PCDHGA8: variants seen among roughly 807,000 people sequenced by gnomAD.
The protein encoded by PCDHGA8 is protocadherin gamma-A8.
PCDHGA8 carries 45 observed loss-of-function variants against 59.2 expected under a neutral mutation model. That is an observed-to-expected ratio of 0.76 (90% CI 0.60 to 0.98). The LOEUF is 0.98. Ranked by LOEUF, PCDHGA8 falls within the 50% of genes least tolerant of loss-of-function variation. The pLI is 0.00. For missense variants in PCDHGA8, 1,257 were observed against 1,196.2 expected (o/e 1.05, Z -0.75); for synonymous variants, 531 against 519.0 (o/e 1.02, Z -0.32).
chr5:141,437,765 G>C (rs1561886251), intron 1 of PCDHGA8, among the ~76,000 whole-genome samples: 1 of 148,074 alleles, frequency 6.8e-6, no homozygotes, highest in African/African-American at 2.5e-5. Flanking sequence ...TTGAGACAGA[G>C]TCTCAATCTG....
chr5:141,395,562 G>T (rs975935179), intron 1 of PCDHGA8: 2 of 227,450 alleles, frequency 8.8e-6, no homozygotes, highest in Non-Finnish European at 1.7e-5. Context: ...GTGTGTGTGT[G>T]TGTGTGTGTG....
intron 1 of PCDHGA8, among the ~76,000 whole-genome samples, chr5:141,455,844 T>TA (rs2098833146): frequency 6.6e-6 from 1 of 150,818 alleles, no homozygotes; most frequent in Non-Finnish European, 1.5e-5. Flanking sequence ...TCTATCTGCA[T>TA]AAAATAATTT....
chr5:141,410,837 TTTTGTC>T, intron 1 of PCDHGA8: 3 of 501,732 alleles, frequency 6.0e-6, no homozygotes. Context: ...ACTGAAGATA[TTTTGTC>T]TTTGTCTTTT....
chr5:141,399,001 T>G, intron 1 of PCDHGA8: 1 of 1,613,890 alleles, frequency 6.2e-7, no homozygotes, highest in Non-Finnish European at 8.5e-7. Context: ...TAGTCTGAAT[T>G]CAAAGAGCGG....
At chr5:141,443,499 A>T (rs533910381) in intron 1 of PCDHGA8, among the ~76,000 whole-genome samples, 1 of 152,268 alleles carries the variant, frequency 6.6e-6, no homozygotes, top group African/African-American at 2.4e-5. Context: ...ACAAACAAAC[A>T]AATAAAGAGC....
intron 1 of PCDHGA8, chr5:141,415,362 G>A (rs769596449): frequency 4.3e-6 from 7 of 1,614,126 alleles, no homozygotes; most frequent in African/African-American, 1.3e-5. Context: ...CACGCCTGCT[G>A]CAGGCTTCAG....
rs751805838 is a variant in PCDHGA8, at chr5:141,409,319, G to T, written c.2424+14082G>T. 3 of 1,613,988 alleles carry T rather than the reference G, an allele frequency of 1.9e-6. No homozygotes were observed. The Admixed American group carries it at 5.0e-5, about 27-fold the overall frequency. ...GGTTGTTGCCCTCTTCAAAACACGG[G>T]ATCTGGATTTCGGAGGAAATGGAGA... is the stretch of plus-strand genomic sequence containing the variant. On this transcript the variant is annotated intron_variant, in intron 1 of 3. Coordinates refer to ENST00000398604, the MANE Select transcript of PCDHGA8 (RefSeq NM_032088.2).
chr5:141,399,528 C>T (rs749580875), intron 1 of PCDHGA8: 10 of 1,613,928 alleles, frequency 6.2e-6, no homozygotes, highest in Non-Finnish European at 7.6e-6. Context: ...GGGCCTCCAT[C>T]GCGCAAGTCT....
chr5:141,445,363 T>C (rs186841717), intron 1 of PCDHGA8, among the ~76,000 whole-genome samples: 9 of 152,284 alleles, frequency 5.9e-5, no homozygotes. Context: ...CCAAGTCTGG[T>C]CCTGGGTGGT....
At chr5:141,448,573 A>AT (rs976781630) in intron 1 of PCDHGA8, among the ~76,000 whole-genome samples, 10 of 151,772 alleles carry the variant, frequency 6.6e-5, no homozygotes, top group East Asian at 5.8e-4. Flanking sequence ...TTATTTCCCC[A>AT]TTTTTTTTAC....
At position 141,485,060 on chromosome 5, in the gene PCDHGA8, G is replaced by A. The variant is rs191055161; in HGVS notation, c.2425-9747G>A. 155 of 862,304 alleles carry A rather than the reference G, an allele frequency of 1.8e-4. No individual in the cohort carries two copies. The African/African-American group carries it at 2.3e-3, about 13-fold the overall frequency. 53.4% of individuals were successfully genotyped at this position (862,304 alleles called of 1,614,324 possible). ...ACCCTTGCGGCGCCGGCCGAACCGCGCCAGAGCTGGCGCGGGGAAAGGGAG... is the reference window on the plus strand; with the variant it reads ...ACCCTTGCGGCGCCGGCCGAACCGCACCAGAGCTGGCGCGGGGAAAGGGAG... On this transcript the variant is annotated intron_variant, in intron 1 of 3. Transcript: ENST00000398604. This position sits in a 1 kb window ranked among gnomAD's most constrained non-coding sequence, Gnocchi z 5.7.
chr5:141,402,843 G>C (rs1370040306), intron 1 of PCDHGA8: 5 of 1,399,114 alleles, frequency 3.6e-6, no homozygotes, highest in Non-Finnish European at 4.7e-6. Flanking sequence ...GCAAAACTCA[G>C]CCTCTTTCTT....
At chr5:141,414,085 G>C (rs1459185694) in intron 1 of PCDHGA8, 1 of 1,600,126 alleles carries the variant, frequency 6.2e-7, no homozygotes, top group Non-Finnish European at 8.5e-7. Context: ...ATATACTGGA[G>C]AAATAAAAAT....
chr5:141,491,857 G>A lies in PCDHGA8; in HGVS notation c.2425-2950G>A. Reference sequence around the variant, plus strand: ...CTCGGGATCATTGGACCGTTTGCGCGAAACCAGAGTGGCCGATTAAGGGAT... The same window carrying A: ...CTCGGGATCATTGGACCGTTTGCGCAAAACCAGAGTGGCCGATTAAGGGAT... On this transcript the variant is annotated intron_variant, in intron 1 of 3. Transcript: ENST00000398604. This position sits in a 1 kb window ranked among gnomAD's most constrained non-coding sequence, Gnocchi z 6.9. The A allele has an allele frequency of 6.9e-7, 1 of 1,457,470 alleles. No homozygotes were observed. The highest frequency in any genetic ancestry group is 1.5e-5 in the South Asian group (1 of 68,508). The allele number at this position is 1,457,470 out of a possible 1,614,324, so 90.3% of individuals were successfully genotyped here. A position where few individuals can be genotyped will look rare whatever the true frequency, so the allele number is the denominator to read the frequency against.
At chr5:141,433,207 TC>T (rs780557883) in intron 1 of PCDHGA8, 10 of 1,568,868 alleles carry the variant, frequency 6.4e-6, no homozygotes, top group African/African-American at 1.4e-5. Flanking sequence ...AAATCTTCTT[TC>T]TTTTTTTTTT....
At position 141,431,633 on chromosome 5, in the gene PCDHGA8, T is replaced by G; in HGVS notation, c.2424+36396T>G. On this transcript the variant is annotated intron_variant, in intron 1 of 3. Coordinates refer to ENST00000398604, the MANE Select transcript of PCDHGA8 (RefSeq NM_032088.2). This position sits in a 1 kb window ranked among gnomAD's most constrained non-coding sequence, Gnocchi z 4.8. Reference sequence around the variant, plus strand: ...TGTGGACGACAAGGCGGCCCAAGTTTTCAAACTAGATTGTAATTCAGGGAC... The same window carrying G: ...TGTGGACGACAAGGCGGCCCAAGTTGTCAAACTAGATTGTAATTCAGGGAC... 6.2e-7 allele frequency: 1 copy of G among 1,614,240 alleles called. No individual in the cohort carries two copies. Among genetic ancestry groups the G allele is most frequent in the Non-Finnish European group, 8.5e-7 (1 of 1,180,048 alleles).
intron 1 of PCDHGA8, chr5:141,415,661 T>C: frequency 6.3e-7 from 1 of 1,582,308 alleles, no homozygotes; most frequent in East Asian, 2.3e-5. Flanking sequence ...AAGATTGGTT[T>C]TTACTTTGAA....
chr5:141,478,882 A>G, intron 1 of PCDHGA8: 1 of 1,200,164 alleles, frequency 8.3e-7, no homozygotes. Context: ...TTAGCTTGGT[A>G]TCATTTACAT....
At position 141,431,684 on chromosome 5, in the gene PCDHGA8, C is replaced by A. The variant is rs1017231854; in HGVS notation, c.2424+36447C>A. On this transcript the variant is annotated intron_variant, in intron 1 of 3. Transcript: ENST00000398604. This position sits in a 1 kb window ranked among gnomAD's most constrained non-coding sequence, Gnocchi z 4.8. Reference sequence around the variant, plus strand: ...AATATCAACAATAGGGGAGTTGGACCACGAGGAGTCAGGATTCTACCAGAT... The same window carrying A: ...AATATCAACAATAGGGGAGTTGGACAACGAGGAGTCAGGATTCTACCAGAT... The A allele has an allele frequency of 1.9e-6, 3 of 1,614,186 alleles. No homozygotes were observed. Among genetic ancestry groups the A allele is most frequent in the Admixed American group, 1.7e-5 (1 of 60,032 alleles).
Sources: allele counts gnomAD v4.1 joint callset (sites outside exome capture counted in the v4.1 genomes callset), GRCh38; gene constraint gnomAD v4.1.1; non-coding constraint Gnocchi (gnomAD v3.1); transcripts MANE v1.5; gene names NCBI Gene and HGNC (gene_info 2026-07-23, HGNC 2026-07-21).